Variants in NEK6 observed in about 807,000 individuals in gnomAD.
NEK6 encodes the protein NIMA related kinase 6.
In NEK6, 27 loss-of-function variants were observed where a neutral mutation model predicts 43.5. The observed-to-expected ratio is 0.62, with a 90% confidence interval of 0.46 to 0.86. NEK6 has a LOEUF of 0.86. Ranked by LOEUF, NEK6 falls within the 40% of genes least tolerant of loss-of-function variation. The pLI is 0.00. For synonymous variants in NEK6, 167 were observed against 164.1 expected (o/e 1.02, Z -0.14); for missense variants, 318 against 414.4 (o/e 0.77, Z 2.02).
At chr9:124,317,161 A>T (rs1833858129) in intron 4 of NEK6, among the ~76,000 whole-genome samples, 1 of 152,182 alleles carries the variant, frequency 6.6e-6, no homozygotes, top group African/African-American at 2.4e-5. Flanking sequence ...ATGTCTATGG[A>T]GCATGATGTG....
chr9:124,294,587 T>C (rs1832591785), intron 1 of NEK6, among the ~76,000 whole-genome samples: 1 of 151,854 alleles, frequency 6.6e-6, no homozygotes, highest in African/African-American at 2.4e-5. Flanking sequence ...CCGATGGGTC[T>C]TTAGTCCAAG....
chr9:124,328,624 A>G (rs769455715), intron 7 of NEK6, among the ~76,000 whole-genome samples: 5 of 152,242 alleles, frequency 3.3e-5, no homozygotes, highest in Non-Finnish European at 5.9e-5. Flanking sequence ...TGCCTGCGGC[A>G]AGCGGGGTGT....
intron 2 of NEK6, among the ~76,000 whole-genome samples, chr9:124,304,300 A>G (rs1833146218): frequency 6.6e-6 from 1 of 152,158 alleles, no homozygotes; most frequent in Non-Finnish European, 1.5e-5. Context: ...TGGGCCAGGC[A>G]TTTTCCTTGA....
intron 2 of NEK6, among the ~76,000 whole-genome samples, chr9:124,304,982 G>A (rs1286207109): frequency 6.6e-6 from 1 of 152,200 alleles, no homozygotes; most frequent in African/African-American, 2.4e-5. Flanking sequence ...AGCCTCACCT[G>A]ACACACTAAG....
rs1035280579 is a variant in NEK6 at position 124,275,957 on chromosome 9, T to C, written c.-30+17872T>C. Among the ~76,000 whole-genome samples the C allele has an allele frequency of 6.6e-6, 1 of 152,236 alleles. No homozygotes were observed. Among genetic ancestry groups the C allele is most frequent in the Non-Finnish European group, 1.5e-5 (1 of 68,048 alleles). On this transcript the variant is annotated intron_variant, in intron 1 of 9. Transcript: ENST00000320246. This position sits in a 1 kb window ranked among gnomAD's most constrained non-coding sequence, Gnocchi z 4.4. ...CATTGTGCCTGCTGCGGTGATCCTT[T>C]AAACGACAGTTAGGTTTGATCCTGC...
intron 3 of NEK6, among the ~76,000 whole-genome samples, chr9:124,312,890 G>A (rs1833608425): frequency 6.6e-6 from 1 of 152,226 alleles, no homozygotes; most frequent in Non-Finnish European, 1.5e-5. Flanking sequence ...CATGCAAGGA[G>A]CACATGGAGC....
At position 124,284,086 on chromosome 9, in the gene NEK6, C is replaced by T. The variant is rs527444257; in HGVS notation, c.-29-17850C>T. Among the ~76,000 whole-genome samples, 7 of 152,366 alleles carry T rather than the reference C, an allele frequency of 4.6e-5. No individual in the cohort carries two copies. In the South Asian group the frequency reaches 6.2e-4, roughly 14 times the overall value. On this transcript the variant is annotated intron_variant, in intron 1 of 9. Transcript: ENST00000320246. ...GATGTGGGCCAGGCGCAGTGGCTCT[C>T]GCCTATAATCCCAGCACTTTGGGAG...
In NEK6 at chr9:124,324,586, C is replaced by T. The variant is rs1834241132; in HGVS notation, c.406-1744C>T. Among the ~76,000 whole-genome samples, 1 of 152,200 alleles carries T rather than the reference C, an allele frequency of 6.6e-6. No homozygotes were observed. Among genetic ancestry groups the T allele is most frequent in the African/African-American group, 2.4e-5 (1 of 41,452 alleles). ...CTGCTTAAATGCTGTAATGAGGATT[C>T]ACTCACATCACAGCGTGAATAACAT... On this transcript the variant is annotated intron_variant, in intron 5 of 9. Transcript: ENST00000320246. The surrounding 1 kb of genome is among the most constrained non-coding windows in gnomAD (Gnocchi z 5.3).
At chr9:124,339,531 A>C in intron 7 of NEK6, 40 bp from the exon 8 acceptor site, 1 of 1,457,636 alleles carries the variant, frequency 6.9e-7, no homozygotes, top group Non-Finnish European at 9.6e-7. Context: ...CCCCTGCCCT[A>C]CATGGAGCAT....
chr9:124,325,248 T>C (rs1834277159), intron 5 of NEK6, among the ~76,000 whole-genome samples: 1 of 152,044 alleles, frequency 6.6e-6, no homozygotes, highest in South Asian at 2.1e-4. Context: ...TGTTTCTGCC[T>C]CTTTCTACGT....
chr9:124,279,257 A>C (rs140979206), intron 1 of NEK6, among the ~76,000 whole-genome samples: 4 of 147,254 alleles, frequency 2.7e-5, no homozygotes, highest in Non-Finnish European at 6.0e-5. Context: ...TGGGCCCGAC[A>C]CCAGCCCAGT....
chr9:124,348,490 G>C (rs1423876548), intron 9 of NEK6, among the ~76,000 whole-genome samples: 2 of 152,116 alleles, frequency 1.3e-5, no homozygotes, highest in Non-Finnish European at 2.9e-5. Context: ...GGCACAGCAG[G>C]GTCAAAAGTG....
At chr9:124,336,491 C>G (rs1269268257) in intron 7 of NEK6, among the ~76,000 whole-genome samples, 1 of 152,174 alleles carries the variant, frequency 6.6e-6, no homozygotes, top group Non-Finnish European at 1.5e-5. Flanking sequence ...CCGTGAAACC[C>G]TGAGGCCTCG....
intron 4 of NEK6, among the ~76,000 whole-genome samples, chr9:124,320,018 C>G (rs1299076903): frequency 1.3e-5 from 2 of 152,256 alleles, no homozygotes; most frequent in Non-Finnish European, 2.9e-5. Context: ...CAACAGGGCT[C>G]CCTCCCAGCC....
In NEK6 at chr9:124,264,860, C is replaced by A. The variant is rs377088611; in HGVS notation, c.-30+6775C>A. Among the ~76,000 whole-genome samples, 25 of 150,488 alleles carry A rather than the reference C, an allele frequency of 1.7e-4. 1 individual carries two copies. The South Asian group carries it at 3.2e-3, about 19-fold the overall frequency. On this transcript the variant is annotated intron_variant, in intron 1 of 9. Transcript: ENST00000320246. ...AAAAAGAGTTCTGCAAAGAATGGCACCTGGCATCAGAGCTTTCCCTGAAAG... is the reference window on the plus strand; with the variant it reads ...AAAAAGAGTTCTGCAAAGAATGGCAACTGGCATCAGAGCTTTCCCTGAAAG...
chr9:124,337,122 C>A (rs1459624376), intron 7 of NEK6, among the ~76,000 whole-genome samples: 2 of 152,204 alleles, frequency 1.3e-5, no homozygotes, highest in Non-Finnish European at 2.9e-5. Context: ...CTAAATCAGC[C>A]CCTCTGCTGA....
chr9:124,293,119 TGTG>T (rs753626671), intron 1 of NEK6: 1 of 1,286,306 alleles, frequency 7.8e-7, no homozygotes, highest in Non-Finnish European at 1.0e-6. Flanking sequence ...CCAGCTGCAT[TGTG>T]GTCACCAAGG....
intron 1 of NEK6, among the ~76,000 whole-genome samples, chr9:124,261,743 C>T (rs528308600): frequency 6.6e-6 from 1 of 152,148 alleles, no homozygotes; most frequent in Non-Finnish European, 1.5e-5. Flanking sequence ...CAGTGTCCTT[C>T]GGTGTTGAAA....
At chr9:124,292,449 G>A in intron 1 of NEK6, 2 of 1,537,030 alleles carry the variant, frequency 1.3e-6, no homozygotes, top group Non-Finnish European at 1.7e-6. Context: ...CCTGTGGGAA[G>A]GAGAGAAAAT....
Sources: allele counts gnomAD v4.1 joint callset (sites outside exome capture counted in the v4.1 genomes callset), GRCh38; gene constraint gnomAD v4.1.1; non-coding constraint Gnocchi (gnomAD v3.1); transcripts MANE v1.5; gene names NCBI Gene and HGNC (gene_info 2026-07-23, HGNC 2026-07-21).